NME7: variants seen among roughly 807,000 people sequenced by gnomAD.
The protein encoded by NME7 is NME/NM23 family member 7.
In NME7, 41 loss-of-function variants were observed where a neutral mutation model predicts 49.1. That is an observed-to-expected ratio of 0.83 (90% confidence interval 0.65 to 1.08). The LOEUF is 1.08. Ranked by LOEUF, NME7 falls within the 50% of genes least tolerant of loss-of-function variation. The pLI is 0.00. For synonymous variants in NME7, 139 were observed against 150.6 expected, an observed-to-expected ratio of 0.92 and a Z score of 0.56; for missense variants, 423 against 463.4, an observed-to-expected ratio of 0.91 and a Z score of 0.80.
chr1:169,345,395 T>C (rs1468065011), intron 1 of NME7, among the ~76,000 whole-genome samples: 1 of 152,164 alleles, frequency 6.6e-6, no homozygotes, highest in African/African-American at 2.4e-5. Context: ...TTTTCTGTTC[T>C]CTTTTTATTT....
chr1:169,138,423 C>T (rs1658493622), intron 11 of NME7, among the ~76,000 whole-genome samples: 1 of 149,906 alleles, frequency 6.7e-6, no homozygotes, highest in Non-Finnish European at 1.5e-5. Flanking sequence ...TTTTAAAAAC[C>T]TCAAGGCCAG....
At chr1:169,355,371 C>T in intron 1 of NME7, among the ~76,000 whole-genome samples, 1 of 88,856 alleles carries the variant, frequency 1.1e-5, no homozygotes, top group African/African-American at 3.7e-5. Context: ...ATATTATACA[C>T]ACACACACAC....
intron 1 of NME7, among the ~76,000 whole-genome samples, chr1:169,329,002 T>C (rs192294591): frequency 1.6e-4 from 24 of 152,230 alleles, no homozygotes; most frequent in African/African-American, 2.6e-4. Context: ...TCCACAAGTA[T>C]CAAGATCATC....
At chr1:169,136,551 T>G (rs1412925481) in intron 11 of NME7, among the ~76,000 whole-genome samples, 1 of 152,176 alleles carries the variant, frequency 6.6e-6, no homozygotes, top group African/African-American at 2.4e-5. Context: ...TAGGTCCTCA[T>G]GAAATTTTTA....
chr1:169,158,158 T>TA (rs1205276266), intron 11 of NME7, among the ~76,000 whole-genome samples: 1 of 152,128 alleles, frequency 6.6e-6, no homozygotes, highest in African/African-American at 2.4e-5. Context: ...AGTGCCCCCT[T>TA]ATAAGTGGGG....
chr1:169,364,588 A>G (rs10800440), intron 1 of NME7, among the ~76,000 whole-genome samples: 93,828 of 151,880 alleles, frequency 0.62, 29,521 homozygotes, highest in East Asian at 0.93. Flanking sequence ...CATCACAGAA[A>G]AGACACCTAC....
At chr1:169,209,084 T>A (rs1005000857) in intron 10 of NME7, among the ~76,000 whole-genome samples, 6 of 150,074 alleles carry the variant, frequency 4.0e-5, no homozygotes, top group African/African-American at 1.5e-4. Context: ...CTTGAGTTTT[T>A]AAAAAATCTA....
chr1:169,188,314 G>A (rs1660129931), intron 10 of NME7, among the ~76,000 whole-genome samples: 1 of 152,130 alleles, frequency 6.6e-6, no homozygotes, highest in South Asian at 2.1e-4. Flanking sequence ...TCATGGCATA[G>A]GGCAAGCAAC....
chr1:169,359,850 G>A (rs1271426825), intron 1 of NME7, among the ~76,000 whole-genome samples: 1 of 152,094 alleles, frequency 6.6e-6, no homozygotes, highest in Non-Finnish European at 1.5e-5. Flanking sequence ...AGTCAGGAGA[G>A]AGAACAACAG....
intron 3 of NME7, among the ~76,000 whole-genome samples, chr1:169,313,389 C>A (rs1215475849): frequency 6.6e-6 from 1 of 152,056 alleles, no homozygotes; most frequent in African/African-American, 2.4e-5. Flanking sequence ...ACCACCCCCG[C>A]TTAAGGTGAA....
chr1:169,200,027 T>C (rs2101776439), intron 10 of NME7, among the ~76,000 whole-genome samples: 1 of 151,516 alleles, frequency 6.6e-6, no homozygotes, highest in Non-Finnish European at 1.5e-5. Flanking sequence ...TCAACAAATA[T>C]ATACTGAAAG....
chr1:169,339,959 C>G (rs1652623397), intron 1 of NME7, among the ~76,000 whole-genome samples: 1 of 152,222 alleles, frequency 6.6e-6, no homozygotes, highest in Admixed American at 6.5e-5. Flanking sequence ...TACAGCTGCT[C>G]TCTGGTAGTT....
Position 169,303,051 on chromosome 1 carries a change from A to T in NME7, c.440+94T>A, listed in dbSNP as rs1427414200. On this transcript the variant is annotated intron_variant, in intron 5 of 11. Transcript: ENST00000367811. ...GATGTTGCTATGGCCCTTTTGACAGATTATTCTCAAGTAATAAATTTTACA... is the reference window on the plus strand; with the variant it reads ...GATGTTGCTATGGCCCTTTTGACAGTTTATTCTCAAGTAATAAATTTTACA... 3.8e-6 allele frequency: 3 copies of T among 781,046 alleles called. No homozygotes were observed. In the East Asian group the frequency reaches 8.6e-5, roughly 22 times the overall value. 48.4% of individuals were successfully genotyped at this position (781,046 alleles called of 1,614,324 possible).
intron 10 of NME7, among the ~76,000 whole-genome samples, chr1:169,169,806 A>G (rs1462875498): frequency 6.6e-6 from 1 of 152,214 alleles, no homozygotes; most frequent in Admixed American, 6.5e-5. Flanking sequence ...ACTGTGAAAG[A>G]CTTGTATTTT....
chr1:169,195,045 A>C (rs1405096824), intron 10 of NME7, among the ~76,000 whole-genome samples: 1 of 146,426 alleles, frequency 6.8e-6, no homozygotes, highest in Non-Finnish European at 1.5e-5. Flanking sequence ...TTATATTCTT[A>C]AATGCTTTAA....
intron 7 of NME7, among the ~76,000 whole-genome samples, chr1:169,254,695 C>A (rs12758258): frequency 7.4e-6 from 1 of 134,436 alleles, no homozygotes; most frequent in Non-Finnish European, 1.6e-5. Context: ...TCTCTTGTGG[C>A]CATTTAGTGC....
intron 7 of NME7, among the ~76,000 whole-genome samples, chr1:169,242,884 A>T (rs930585118): frequency 6.6e-6 from 1 of 152,022 alleles, no homozygotes; most frequent in Non-Finnish European, 1.5e-5. Context: ...GTGTATGAAA[A>T]CTACAAAATG....
chr1:169,235,134 A>T lies in NME7; in HGVS notation c.885T>A (p.Tyr295Ter). The T allele has an allele frequency of 6.7e-7, 1 of 1,496,486 alleles. No homozygotes were observed. The highest frequency in any genetic ancestry group is 9.2e-7 in the Non-Finnish European group (1 of 1,085,582). 92.7% of individuals were successfully genotyped at this position (1,496,486 alleles called of 1,614,324 possible). Residue 295 changes from tyrosine to a stop codon, truncating the protein, a stop_gained, in exon 9 of 12, where the codon TAT becomes TAA. Coordinates refer to ENST00000367811, the MANE Select transcript of NME7 (RefSeq NM_013330.5). LOFTEE classifies it high-confidence loss of function. ...TTACATTTACTTTTATACTTACATGATATTCGGTCACTACTCCTTTATAAA... is the reference window on the plus strand; with the variant it reads ...TTACATTTACTTTTATACTTACATGTTATTCGGTCACTACTCCTTTATAAA... ...YEVYKGVVTE[Y>*]HDMVTEMYSG...
rs75404646 is a variant in NME7, at chr1:169,240,960, C to T, written c.755-3273G>A. Among the ~76,000 whole-genome samples the T allele has an allele frequency of 2.7e-4, 41 of 152,146 alleles. No individual in the cohort carries two copies. The East Asian group carries it at 4.2e-3, about 16-fold the overall frequency. Reference sequence around the variant, plus strand: ...TAGGCTTACTTAATTTGAAAGACAACGCCTGCCAAATACCCAAGTCTGAAT... The same window carrying T: ...TAGGCTTACTTAATTTGAAAGACAATGCCTGCCAAATACCCAAGTCTGAAT... On this transcript the variant is annotated intron_variant, in intron 7 of 11. Transcript: ENST00000367811.
Sources: gnomAD v4.1 joint callset for allele counts (sites outside exome capture counted in the v4.1 genomes callset) on GRCh38, gnomAD v4.1.1 for gene constraint, MANE v1.5 for transcripts, NCBI Gene and HGNC (gene_info 2026-07-23, HGNC 2026-07-21) for gene names.